Variants in CTNNA2 observed in about 807,000 individuals in gnomAD.
CTNNA2 encodes the protein catenin alpha 2.
A neutral mutation model predicts 101.0 loss-of-function variants in CTNNA2; 42 were observed. The ratio of observed to expected loss-of-function variants is 0.42; its 90% CI spans 0.32 to 0.54. The LOEUF (loss-of-function observed/expected upper bound fraction) is 0.54, where lower values mean the gene tolerates loss of function less well. Among genes scored for constraint, CTNNA2 ranks in the 20% least tolerant of loss-of-function variants. The pLI, the probability that CTNNA2 is intolerant of heterozygous loss-of-function variation, is 0.14. For synonymous variants in CTNNA2, 450 were observed against 456.4 expected (o/e 0.99, Z 0.18); for missense variants, 871 against 1,223.1 (o/e 0.71, Z 4.29).
intron 3 of CTNNA2, among the ~76,000 whole-genome samples, chr2:79,748,692 G>T (rs965194910): frequency 2.0e-5 from 3 of 151,786 alleles, no homozygotes; most frequent in Admixed American, 6.6e-5. Context: ...CTATGTTATT[G>T]TATTTCATAT....
chr2:79,501,962 A>T (rs1331043865), intron 4 of CTNNA2, among the ~76,000 whole-genome samples: 4 of 143,442 alleles, frequency 2.8e-5, no homozygotes, highest in African/African-American at 1.1e-4. Flanking sequence ...CAAGGATATT[A>T]GTCTTTTTTT....
chr2:80,356,680 T>A (rs1298472155), intron 7 of CTNNA2, among the ~76,000 whole-genome samples: 2 of 152,100 alleles, frequency 1.3e-5, no homozygotes, highest in African/African-American at 2.4e-5. Flanking sequence ...CCTGGCCATT[T>A]TAATGGCCAG....
intron 7 of CTNNA2, among the ~76,000 whole-genome samples, chr2:80,159,334 G>C (rs529549614): frequency 2.2e-4 from 34 of 152,132 alleles, no homozygotes; most frequent in Non-Finnish European, 4.6e-4. Flanking sequence ...TTGCCTTCCA[G>C]ATTAGCTGTA....
intron 3 of CTNNA2, among the ~76,000 whole-genome samples, chr2:79,766,921 ATTC>A (rs778865573): frequency 6.6e-6 from 1 of 151,692 alleles, no homozygotes; most frequent in African/African-American, 2.4e-5. Context: ...ATGCCCAGCT[ATTC>A]TTTGTATTTT....
At chr2:79,811,445 T>C (rs1009413662) in intron 3 of CTNNA2, among the ~76,000 whole-genome samples, 4 of 152,186 alleles carry the variant, frequency 2.6e-5, no homozygotes, top group African/African-American at 9.7e-5. Flanking sequence ...GATGAGTAGA[T>C]TGCAGAAATT....
chr2:79,679,270 T>G (rs1172968370), intron 2 of CTNNA2, among the ~76,000 whole-genome samples: 1 of 152,158 alleles, frequency 6.6e-6, no homozygotes, highest in Non-Finnish European at 1.5e-5. Flanking sequence ...ATATAAGGAA[T>G]TTGTTTTTCA....
intron 9 of CTNNA2, among the ~76,000 whole-genome samples, chr2:80,474,309 G>A (rs770289081): frequency 6.6e-6 from 1 of 152,124 alleles, no homozygotes; most frequent in Non-Finnish European, 1.5e-5. Context: ...TTGCTGCTTT[G>A]CCCTGAGCCT....
chr2:79,690,728 G>C (rs942493662), intron 2 of CTNNA2, among the ~76,000 whole-genome samples: 9 of 152,066 alleles, frequency 5.9e-5, no homozygotes, highest in Middle Eastern at 3.4e-3. Flanking sequence ...GTGGTGGAGC[G>C]AGGATTTACA....
intron 3 of CTNNA2, among the ~76,000 whole-genome samples, chr2:79,838,694 T>G (rs1296137476): frequency 6.6e-6 from 1 of 152,070 alleles, no homozygotes; most frequent in East Asian, 1.9e-4. Flanking sequence ...TTGTAAGATC[T>G]TGGGTGTTAT....
At chr2:79,852,542 C>T (rs1355693484) in intron 3 of CTNNA2, among the ~76,000 whole-genome samples, 1 of 152,188 alleles carries the variant, frequency 6.6e-6, no homozygotes, top group South Asian at 2.1e-4. Context: ...CCAATACTTG[C>T]CATTGCTGAA....
At chr2:80,254,023 A>C (rs1197428623) in intron 7 of CTNNA2, among the ~76,000 whole-genome samples, 1 of 152,172 alleles carries the variant, frequency 6.6e-6, no homozygotes, top group African/African-American at 2.4e-5. Context: ...AGTAATTTGC[A>C]TGCCAAGCCA....
chr2:80,125,402 T>C (rs150782851), intron 7 of CTNNA2, among the ~76,000 whole-genome samples: 9 of 152,174 alleles, frequency 5.9e-5, no homozygotes, highest in Non-Finnish European at 1.3e-4. Flanking sequence ...CTATCTCTGA[T>C]GCAGAGATTT....
At chr2:80,540,530 G>C (rs145516140) in intron 9 of CTNNA2, among the ~76,000 whole-genome samples, 1,656 of 151,326 alleles carry the variant, frequency 0.011, 23 homozygotes, top group Middle Eastern at 0.038. Context: ...CTGGGAGGTG[G>C]AGGTTACAGT....
intron 11 of CTNNA2, among the ~76,000 whole-genome samples, chr2:80,548,472 C>T (rs1238061901): frequency 6.6e-6 from 1 of 152,122 alleles, no homozygotes; most frequent in South Asian, 2.1e-4. Context: ...ATTTTCCTCC[C>T]CCGAGCCCTG....
At chr2:79,320,267 T>G (rs2104408384) in intron 3 of CTNNA2, among the ~76,000 whole-genome samples, 1 of 150,314 alleles carries the variant, frequency 6.7e-6, no homozygotes, top group Admixed American at 6.6e-5. Flanking sequence ...TCAATTTTTT[T>G]TTTTTTTTTT....
At chr2:80,251,304 T>TG (rs1317370368) in intron 7 of CTNNA2, among the ~76,000 whole-genome samples, 1 of 152,138 alleles carries the variant, frequency 6.6e-6, no homozygotes, top group Non-Finnish European at 1.5e-5. Context: ...ATAATGATAT[T>TG]GAAAGCAATA....
At chr2:80,451,341 G>C (rs1574070489) in intron 9 of CTNNA2, among the ~76,000 whole-genome samples, 1 of 152,054 alleles carries the variant, frequency 6.6e-6, no homozygotes, top group African/African-American at 2.4e-5. Context: ...TTCCCCCTTT[G>C]CTTGGCACTT....
intron 7 of CTNNA2, among the ~76,000 whole-genome samples, chr2:80,297,334 C>T (rs1187470218): frequency 6.6e-6 from 1 of 152,176 alleles, no homozygotes; most frequent in Non-Finnish European, 1.5e-5. Context: ...CAATCACTAG[C>T]TGGGTGACTT....
At chr2:79,209,795 G>A (rs988499585) in intron 2 of CTNNA2, among the ~76,000 whole-genome samples, 1 of 34,596 alleles carries the variant, frequency 2.9e-5, no homozygotes, top group African/African-American at 4.7e-4. Flanking sequence ...CTTTCATGCC[G>A]GACTTGACTT....
Sources: allele counts gnomAD v4.1 joint callset (sites outside exome capture counted in the v4.1 genomes callset), GRCh38; gene constraint gnomAD v4.1.1; transcripts MANE v1.5; gene names NCBI Gene and HGNC (gene_info 2026-07-23, HGNC 2026-07-21).